The following CAPZB variants were observed in gnomAD, a reference collection of about 807,000 sequenced individuals.
CAPZB encodes capping actin protein of muscle Z-line subunit beta, also known as F-actin-capping protein subunit beta.
CAPZB carries 2 observed loss-of-function variants against 38.1 expected under a neutral mutation model. The ratio of observed to expected loss-of-function variants is 0.05; its 90% CI spans 0.02 to 0.17. The LOEUF is 0.17. CAPZB is among the 10% of genes least tolerant of loss of function. CAPZB has a pLI of 1.00. For missense variants in CAPZB, 161 were observed against 334.2 expected, an observed-to-expected ratio of 0.48 and a Z score of 4.04; for synonymous variants, 107 against 127.4, an observed-to-expected ratio of 0.84 and a Z score of 1.08.
Position 19,472,709 on chromosome 1 carries a change from ATTTTTTTTTTTT to A in CAPZB, c.3+12715_3+12726del, listed in dbSNP as rs11334966. 1.1e-3 allele frequency among the ~76,000 whole-genome samples: 66 copies of A among 61,206 alleles called. 2 individuals are homozygous for A. In the Admixed American group the frequency reaches 0.017, roughly 15 times the overall value. 40.2% of individuals were successfully genotyped at this position (61,206 alleles called of 152,430 possible). On this transcript the variant is annotated intron_variant, in intron 1 of 8. Transcript: ENST00000264202. Reference sequence around the variant, plus strand: ...TGCAACTACTGCGCTTTCATTCTTCATTTTTTTTTTTTTTTTTTTTTTTTTTGAGCTGGAGTC... The same window carrying A: ...TGCAACTACTGCGCTTTCATTCTTCATTTTTTTTTTTTTTGAGCTGGAGTC...
At chr1:19,439,018 G>A (rs1249479654) in intron 1 of CAPZB, among the ~76,000 whole-genome samples, 7 of 152,198 alleles carry the variant, frequency 4.6e-5, no homozygotes, top group Non-Finnish European at 5.9e-5. Context: ...CATCAGTTGG[G>A]ATTCATTCTT....
intron 8 of CAPZB, among the ~76,000 whole-genome samples, chr1:19,340,291 T>G (rs533128067): frequency 1.2e-4 from 18 of 152,290 alleles, no homozygotes; most frequent in African/African-American, 4.3e-4. Flanking sequence ...CGCTGTTAAC[T>G]TGGCCCAGAA....
At chr1:19,469,284 C>A (rs912417630) in intron 1 of CAPZB, among the ~76,000 whole-genome samples, 4 of 152,104 alleles carry the variant, frequency 2.6e-5, no homozygotes, top group Non-Finnish European at 4.4e-5. Flanking sequence ...ACATCTTTTA[C>A]GGCAGTAGAT....
intron 3 of CAPZB, among the ~76,000 whole-genome samples, chr1:19,383,909 G>A (rs1283389119): frequency 2.0e-5 from 3 of 151,996 alleles, no homozygotes; most frequent in Non-Finnish European, 2.9e-5. Context: ...TGCAGAGGCC[G>A]CTGGCTCTAC....
chr1:19,385,447 C>G, intron 3 of CAPZB, 58 bp downstream of exon 3: 1 of 1,607,546 alleles, frequency 6.2e-7, no homozygotes, highest in Non-Finnish European at 8.5e-7. Flanking sequence ...GCAGCAGGTA[C>G]CTACGGCAGC....
At chr1:19,418,953 A>T (rs1396870394) in intron 2 of CAPZB, among the ~76,000 whole-genome samples, 2 of 152,252 alleles carry the variant, frequency 1.3e-5, no homozygotes, top group African/African-American at 4.8e-5. Flanking sequence ...TTCCAAACCC[A>T]GCACCAGAAC....
At chr1:19,405,756 G>A (rs1224227054) in intron 2 of CAPZB, among the ~76,000 whole-genome samples, 1 of 152,122 alleles carries the variant, frequency 6.6e-6, no homozygotes, top group Non-Finnish European at 1.5e-5. Flanking sequence ...CTTTTCGGAG[G>A]GGCCGGCTGT....
intron 2 of CAPZB, among the ~76,000 whole-genome samples, chr1:19,410,224 C>T (rs1204974865): frequency 2.0e-5 from 3 of 152,178 alleles, no homozygotes; most frequent in African/African-American, 7.2e-5. Context: ...TCAGCCTGTG[C>T]TCCAGCATAA....
intron 6 of CAPZB, among the ~76,000 whole-genome samples, chr1:19,349,072 T>G (rs1223871313): frequency 2.0e-5 from 3 of 152,034 alleles, no homozygotes; most frequent in Non-Finnish European, 4.4e-5. Context: ...CACACCAACC[T>G]CGGCAGCACT....
chr1:19,455,767 A>G (rs777600331), intron 1 of CAPZB, among the ~76,000 whole-genome samples: 1 of 152,234 alleles, frequency 6.6e-6, no homozygotes, highest in African/African-American at 2.4e-5. Context: ...TCAGAGGTCC[A>G]TGGACACTGC....
intron 2 of CAPZB, among the ~76,000 whole-genome samples, chr1:19,416,888 A>AAAAG (rs2094382242): frequency 2.8e-5 from 4 of 144,032 alleles, no homozygotes; most frequent in African/African-American, 1.0e-4. Context: ...AAAAAAAAAA[A>AAAAG]GTATGCTCTG....
intron 4 of CAPZB, among the ~76,000 whole-genome samples, chr1:19,374,624 C>A (rs1482136946): frequency 1.3e-5 from 2 of 152,256 alleles, no homozygotes; most frequent in Non-Finnish European, 2.9e-5. Flanking sequence ...CAAGGGGTGG[C>A]TTCTCCGGCC....
At chr1:19,454,212 C>T (rs1046088325) in intron 1 of CAPZB, among the ~76,000 whole-genome samples, 1 of 152,178 alleles carries the variant, frequency 6.6e-6, no homozygotes, top group African/African-American at 2.4e-5. Flanking sequence ...GCAAGACTGG[C>T]CATGAGTAGC....
In CAPZB at chr1:19,413,386, T is replaced by C. The variant is rs558935712; in HGVS notation, c.93+6275A>G. On this transcript the variant is annotated intron_variant, in intron 2 of 8. Coordinates refer to ENST00000264202, the MANE Select transcript of CAPZB (RefSeq NM_004930.5). ...TCTCATTCTCTCACCCAAACTGGAG[T>C]GTAGTGGGGTGATCATAGCTCACTG... 2.0e-5 allele frequency among the ~76,000 whole-genome samples: 3 copies of C among 152,156 alleles called. No homozygotes were observed. The South Asian group carries it at 6.2e-4, about 32-fold the overall frequency.
chr1:19,408,640 G>A (rs2094344005), intron 2 of CAPZB, among the ~76,000 whole-genome samples: 1 of 152,152 alleles, frequency 6.6e-6, no homozygotes. Context: ...TCAACAGAAG[G>A]GTATCCATGG....
At chr1:19,351,951 C>T (rs930406665) in intron 6 of CAPZB, among the ~76,000 whole-genome samples, 2 of 152,194 alleles carry the variant, frequency 1.3e-5, no homozygotes, top group African/African-American at 4.8e-5. Context: ...CTGGTCACTC[C>T]ACCCCAGGTC....
chr1:19,372,236 A>C (rs1183786202), intron 4 of CAPZB, among the ~76,000 whole-genome samples: 1 of 152,256 alleles, frequency 6.6e-6, no homozygotes, highest in Non-Finnish European at 1.5e-5. Context: ...TCAATTGCAC[A>C]CCCACTAAAA....
intron 4 of CAPZB, among the ~76,000 whole-genome samples, chr1:19,375,969 A>G (rs1300154418): frequency 6.6e-6 from 1 of 152,258 alleles, no homozygotes; most frequent in African/African-American, 2.4e-5. Flanking sequence ...TACACCATGT[A>G]TCATTACATA....
chr1:19,390,544 G>A (rs907329122), intron 2 of CAPZB, among the ~76,000 whole-genome samples: 3 of 152,186 alleles, frequency 2.0e-5, no homozygotes, highest in Non-Finnish European at 4.4e-5. Context: ...AGTGCCTGCC[G>A]TCTTTCTGGT....
Sources: gnomAD v4.1 joint callset for allele counts (sites outside exome capture counted in the v4.1 genomes callset) on GRCh38, gnomAD v4.1.1 for gene constraint, MANE v1.5 for transcripts, NCBI Gene and HGNC (gene_info 2026-07-23, HGNC 2026-07-21) for gene names.